The following LRBA variants were observed in gnomAD, a reference collection of about 807,000 sequenced individuals.
LRBA encodes the protein LPS responsive beige-like anchor protein.
A neutral mutation model predicts 330.0 loss-of-function variants in LRBA; 176 were observed. The ratio of observed to expected loss-of-function variants is 0.53; its 90% confidence interval spans 0.47 to 0.60. LRBA has a LOEUF of 0.60. LRBA is among the 20% of genes least tolerant of loss of function. The probability of loss-of-function intolerance (pLI) is 0.00; values close to 1 mark genes in which losing one functional copy is unlikely to be tolerated. For synonymous variants in LRBA, 1,230 were observed against 1,193.0 expected (o/e 1.03, Z -0.64); for missense variants, 3,259 against 3,444.8 (o/e 0.95, Z 1.35).
At chr4:150,658,433 T>A (rs1249226842) in intron 37 of LRBA, among the ~76,000 whole-genome samples, 2 of 149,716 alleles carry the variant, frequency 1.3e-5, no homozygotes, top group Non-Finnish European at 3.0e-5. Flanking sequence ...TATCAAGTTA[T>A]CATAATACTT....
intron 34 of LRBA, among the ~76,000 whole-genome samples, chr4:150,788,692 C>T (rs1739445455): frequency 6.7e-6 from 1 of 149,602 alleles, no homozygotes; most frequent in Non-Finnish European, 1.5e-5. Context: ...ACCTGGGAGG[C>T]AGAGGTTGCA....
At chr4:150,282,964 A>G (rs900593758) in intron 54 of LRBA, among the ~76,000 whole-genome samples, 7 of 152,170 alleles carry the variant, frequency 4.6e-5, no homozygotes, top group Non-Finnish European at 8.8e-5. Context: ...AAACAGGATA[A>G]GCTTCAAATT....
At chr4:150,949,353 G>A (rs894345446) in intron 2 of LRBA, among the ~76,000 whole-genome samples, 11 of 152,032 alleles carry the variant, frequency 7.2e-5, no homozygotes, top group African/African-American at 2.7e-4. Flanking sequence ...CAGTCTTCTG[G>A]AGATTCTTCA....
At chr4:150,678,782 TCAAGTA>T (rs1782795529) in intron 37 of LRBA, among the ~76,000 whole-genome samples, 1 of 152,126 alleles carries the variant, frequency 6.6e-6, no homozygotes, top group Admixed American at 6.5e-5. Flanking sequence ...TGCACTGATG[TCAAGTA>T]CTAGCTCCTA....
chr4:150,726,940 C>T (rs1729758131), intron 36 of LRBA, among the ~76,000 whole-genome samples: 1 of 141,174 alleles, frequency 7.1e-6, no homozygotes, highest in Non-Finnish European at 1.5e-5. Context: ...CTAGACACAT[C>T]AAAATATCCC....
chr4:150,396,480 T>TCTCACACACACACA (rs1554016741), intron 47 of LRBA, among the ~76,000 whole-genome samples: 8 of 145,774 alleles, frequency 5.5e-5, no homozygotes, highest in Non-Finnish European at 1.1e-4. Flanking sequence ...AAATCTCATC[T>TCTCACACACACACA]CACACACACA....
At chr4:150,876,334 T>C (rs965004661) in intron 17 of LRBA, among the ~76,000 whole-genome samples, 8 of 152,142 alleles carry the variant, frequency 5.3e-5, no homozygotes, top group Admixed American at 3.3e-4. Flanking sequence ...GCTAGAGATA[T>C]AGACATCCAA....
intron 44 of LRBA, among the ~76,000 whole-genome samples, chr4:150,450,036 T>C (rs1414190937): frequency 6.6e-6 from 1 of 152,044 alleles, no homozygotes; most frequent in Non-Finnish European, 1.5e-5. Context: ...CTATTATATG[T>C]TGTCCATAAA....
intron 36 of LRBA, among the ~76,000 whole-genome samples, chr4:150,712,884 C>G (rs1213370552): frequency 2.6e-5 from 4 of 152,110 alleles, no homozygotes; most frequent in African/African-American, 7.2e-5. Flanking sequence ...CACAAAAACA[C>G]ACAGAAACAT....
At chr4:150,669,741 T>A (rs563687056) in intron 37 of LRBA, among the ~76,000 whole-genome samples, 1 of 152,112 alleles carries the variant, frequency 6.6e-6, no homozygotes, top group African/African-American at 2.4e-5. Flanking sequence ...AATTGTTGTA[T>A]TTTTAGTAGA....
At chr4:150,576,277 T>G (rs2152290954) in intron 40 of LRBA, among the ~76,000 whole-genome samples, 1 of 151,800 alleles carries the variant, frequency 6.6e-6, no homozygotes, top group South Asian at 2.1e-4. Context: ...TAACTATGTA[T>G]GTAAATAAAA....
chr4:150,641,725 G>C (rs990160546), intron 37 of LRBA, among the ~76,000 whole-genome samples: 3 of 152,008 alleles, frequency 2.0e-5, no homozygotes, highest in African/African-American at 7.2e-5. Flanking sequence ...AATTAGTTTA[G>C]GGGTATAGGA....
chr4:150,503,103 C>A (rs1283329258), intron 40 of LRBA, among the ~76,000 whole-genome samples: 1 of 152,238 alleles, frequency 6.6e-6, no homozygotes, highest in Non-Finnish European at 1.5e-5. Context: ...GCCTGCCTGC[C>A]TCTGGAGGCT....
At chr4:150,666,702 G>A (rs1373313967) in intron 37 of LRBA, among the ~76,000 whole-genome samples, 1 of 152,122 alleles carries the variant, frequency 6.6e-6, no homozygotes, top group African/African-American at 2.4e-5. Context: ...ATTCATGCGG[G>A]CCCTGCAACC....
rs1423839493 is a variant in LRBA at position 150,428,129 on chromosome 4, TATA to T, written c.7041+7457_7041+7459del. 1.8e-4 allele frequency among the ~76,000 whole-genome samples: 27 copies of T among 152,224 alleles called. No individual in the cohort carries two copies. In the East Asian group the frequency reaches 5.0e-3, roughly 28 times the overall value. Reference sequence around the variant, plus strand: ...AAATATTAAATTATATATGAGTTCATATAATATTACTGCATAGTCATTTATTTT... The same window carrying T: ...AAATATTAAATTATATATGAGTTCATATATTACTGCATAGTCATTTATTTT... On this transcript the variant is annotated intron_variant, in intron 46 of 56. Transcript: ENST00000651943.
intron 47 of LRBA, among the ~76,000 whole-genome samples, chr4:150,385,980 T>C (rs1743003057): frequency 6.6e-6 from 1 of 152,140 alleles, no homozygotes; most frequent in African/African-American, 2.4e-5. Flanking sequence ...GTCTAGATAC[T>C]TAGAGGAACA....
At position 150,878,401 on chromosome 4, in the gene LRBA, A is replaced by G. The variant is rs186168653; in HGVS notation, c.2166-5646T>C. Among the ~76,000 whole-genome samples, 68 of 152,208 alleles carry G rather than the reference A, an allele frequency of 4.5e-4. No individual in the cohort carries two copies. In the South Asian group the frequency reaches 4.8e-3, roughly 11 times the overall value. ...CTAAGTCAAAAAGCTAGAAAGATCT[A>G]AAATTAACAATCTAACATCACACCT... On this transcript the variant is annotated intron_variant, in intron 17 of 56. Coordinates refer to ENST00000651943, the MANE Select transcript of LRBA (RefSeq NM_001364905.1).
chr4:150,425,732 A>G (rs993316177), intron 46 of LRBA, among the ~76,000 whole-genome samples: 16 of 152,184 alleles, frequency 1.1e-4, no homozygotes, highest in Admixed American at 2.6e-4. Flanking sequence ...CTACTAATCT[A>G]TCAACCAAAA....
chr4:150,829,825 T>C (rs75524406), intron 29 of LRBA, among the ~76,000 whole-genome samples: 1 of 145,210 alleles, frequency 6.9e-6, no homozygotes, highest in African/African-American at 2.8e-5. Context: ...CTTACATGTC[T>C]AAAAAAACCT....
Sources: allele counts gnomAD v4.1 joint callset (sites outside exome capture counted in the v4.1 genomes callset), GRCh38; gene constraint gnomAD v4.1.1; transcripts MANE v1.5; gene names NCBI Gene and HGNC (gene_info 2026-07-23, HGNC 2026-07-21).